URI1: variants seen among roughly 807,000 people sequenced by gnomAD.
The protein encoded by URI1 is URI1 prefoldin like chaperone.
A neutral mutation model predicts 60.2 loss-of-function variants in URI1; 39 were observed. The ratio of observed to expected loss-of-function variants is 0.65; its 90% CI spans 0.50 to 0.85. URI1 has a LOEUF of 0.85. Ranked by LOEUF, URI1 falls within the 40% of genes least tolerant of loss-of-function variation. The pLI is 0.00. For missense variants in URI1, 691 were observed against 665.9 expected, an observed-to-expected ratio of 1.04 and a Z score of -0.42; for synonymous variants, 251 against 236.8, an observed-to-expected ratio of 1.06 and a Z score of -0.55.
upstream of URI1, among the ~76,000 whole-genome samples, chr19:29,941,711 A>G (rs957109172): frequency 8.5e-5 from 13 of 152,152 alleles, no homozygotes; most frequent in Non-Finnish European, 1.6e-4. Flanking sequence ...TAAAATTAGT[A>G]CAGTAGCTTA....
In URI1 at chr19:29,959,555, C is replaced by T. The variant is rs553827519; in HGVS notation, c.118-11638C>T. ...CTCAATTTCTTTGAAAGTTCAAAGA[C>T]TATCCAGATTTTCTGTTTCTAGTTA... On this transcript the variant is annotated intron_variant, in intron 1 of 10. Coordinates refer to ENST00000392271, the MANE Select transcript of URI1 (RefSeq NM_003796.3). 2.6e-5 allele frequency among the ~76,000 whole-genome samples: 4 copies of T among 152,328 alleles called. No individual in the cohort carries two copies. The East Asian group carries it at 7.7e-4, about 29-fold the overall frequency.
intron 2 of URI1, among the ~76,000 whole-genome samples, chr19:29,980,942 A>G (rs374181365): frequency 0.014 from 2,092 of 151,236 alleles, 18 homozygotes; most frequent in Middle Eastern, 0.031. Context: ...AAAAAAAAAA[A>G]AAGTTCAATG....
At chr19:29,936,351 C>G (rs1229289916) in intron 1 of URI1, among the ~76,000 whole-genome samples, 3 of 152,210 alleles carry the variant, frequency 2.0e-5, no homozygotes, top group Non-Finnish European at 1.5e-5. Flanking sequence ...GATCTGCCCA[C>G]CTCGGCCTCC....
At chr19:29,943,555 C>A (rs1444283806) in intron 1 of URI1, among the ~76,000 whole-genome samples, 1 of 152,154 alleles carries the variant, frequency 6.6e-6, no homozygotes, top group African/African-American at 2.4e-5. Flanking sequence ...GTTGCTTCAA[C>A]ACTATAAGCA....
intron 1 of URI1, among the ~76,000 whole-genome samples, chr19:29,926,858 C>T (rs1482424894): frequency 6.6e-6 from 1 of 152,136 alleles, no homozygotes; most frequent in Non-Finnish European, 1.5e-5. Context: ...TTTTGTGGCT[C>T]CCTACCAAGG....
At chr19:29,979,066 A>C (rs567281807) in intron 2 of URI1, among the ~76,000 whole-genome samples, 111 of 152,324 alleles carry the variant, frequency 7.3e-4, no homozygotes, top group Admixed American at 1.7e-3. Flanking sequence ...AAGAAAACCC[A>C]CAAAATTACT....
At chr19:29,967,937 C>T (rs2055409732) in intron 1 of URI1, among the ~76,000 whole-genome samples, 1 of 152,188 alleles carries the variant, frequency 6.6e-6, no homozygotes. Context: ...GCAGTGTTGG[C>T]ATATACTCCT....
At position 29,945,581 on chromosome 19, in the gene URI1, T is replaced by C. The variant is rs1263298241; in HGVS notation, c.117+2917T>C. Reference sequence around the variant, plus strand: ...ACATTTCCAAAACAATTTATTTTAGTTAGAACTTCGGTTTGTTTCTATTTT... The same window carrying C: ...ACATTTCCAAAACAATTTATTTTAGCTAGAACTTCGGTTTGTTTCTATTTT... On this transcript the variant is annotated intron_variant, in intron 1 of 10. Transcript: ENST00000392271. Among the ~76,000 whole-genome samples the C allele has an allele frequency of 2.0e-5, 3 of 152,226 alleles. No homozygotes were observed. The East Asian group carries it at 5.8e-4, about 29-fold the overall frequency.
At chr19:29,956,423 C>A (rs1025239431) in intron 1 of URI1, 3 of 1,558,368 alleles carry the variant, frequency 1.9e-6, no homozygotes, top group Non-Finnish European at 8.7e-7. Flanking sequence ...GATTCATCAA[C>A]CTGCTGAACA....
chr19:29,989,570 G>A (rs1016155918), intron 4 of URI1, among the ~76,000 whole-genome samples: 4 of 151,166 alleles, frequency 2.6e-5, no homozygotes, highest in Non-Finnish European at 4.4e-5. Context: ...TTACAGGTGC[G>A]TACCACCACG....
intron 1 of URI1, among the ~76,000 whole-genome samples, chr19:29,964,481 T>TG (rs1162571878): frequency 2.7e-5 from 4 of 148,480 alleles, no homozygotes; most frequent in Non-Finnish European, 5.9e-5. Context: ...TTTTTTTTTT[T>TG]GAGACGGAGT....
rs539692118 is a variant in URI1, at chr19:29,933,753, C to T, written c.63+9999C>T. On this transcript the variant is annotated intron_variant, in intron 1 of 10. Coordinates refer to the URI1 transcript ENST00000360605. ...AGGAGCATTGCTAGAACCCGGGAGG[C>T]GGAGGTTGCAGTGAGCCGAGACTGT... Among the ~76,000 whole-genome samples the T allele has an allele frequency of 2.6e-5, 4 of 151,378 alleles. No individual in the cohort carries two copies. The East Asian group carries it at 5.9e-4, about 22-fold the overall frequency.
chr19:29,986,420 A>G lies in URI1; in HGVS notation c.367+3A>G, dbSNP rs2055671524. ...TTTAGTTGAGCACCGGAAAGAACGT[A>G]GGTACCCATTTTAAATGATGTTTCT... is the stretch of plus-strand genomic sequence containing the variant. On this transcript the variant is annotated splice_donor_region_variant and intron_variant, in intron 4 of 10. Coordinates refer to ENST00000392271, the MANE Select transcript of URI1 (RefSeq NM_003796.3). 1 of 1,603,316 alleles carries G rather than the reference A, an allele frequency of 6.2e-7. No homozygotes were observed. The highest frequency in any genetic ancestry group is 2.3e-5 in the East Asian group (1 of 44,422).
At chr19:29,949,015 C>T (rs1281041048) in intron 1 of URI1, among the ~76,000 whole-genome samples, 11 of 145,936 alleles carry the variant, frequency 7.5e-5, no homozygotes, top group South Asian at 2.1e-4. Flanking sequence ...GGCTGCCCCC[C>T]GCCTCCCTCC....
At chr19:29,987,808 A>G (rs1366518695) in intron 4 of URI1, among the ~76,000 whole-genome samples, 2 of 152,218 alleles carry the variant, frequency 1.3e-5, no homozygotes, top group Admixed American at 1.3e-4. Context: ...GAAAGTGACC[A>G]AACATAGATG....
intron 1 of URI1, among the ~76,000 whole-genome samples, chr19:29,961,620 C>G (rs896400095): frequency 6.7e-6 from 1 of 149,856 alleles, no homozygotes; most frequent in Non-Finnish European, 1.5e-5. Context: ...TTGAGTAATG[C>G]TGCTGTGAAC....
chr19:29,996,308 T>G (rs987528922), intron 4 of URI1, among the ~76,000 whole-genome samples: 1 of 152,150 alleles, frequency 6.6e-6, no homozygotes, highest in African/African-American at 2.4e-5. Context: ...TGTGCAAGTC[T>G]TGCACCTTCT....
At chr19:29,999,930 C>A (rs1469398452) in intron 4 of URI1, among the ~76,000 whole-genome samples, 3 of 151,152 alleles carry the variant, frequency 2.0e-5, no homozygotes, top group African/African-American at 4.9e-5. Context: ...TTACTCTGCT[C>A]TTTTTATTCA....
intron 9 of URI1, among the ~76,000 whole-genome samples, chr19:30,011,563 C>G (rs974777553): frequency 6.6e-6 from 1 of 151,148 alleles, no homozygotes; most frequent in Non-Finnish European, 1.5e-5. Context: ...CTACCACAGC[C>G]GTAACATGCT....
Sources: gnomAD v4.1 joint callset for allele counts (sites outside exome capture counted in the v4.1 genomes callset) on GRCh38, gnomAD v4.1.1 for gene constraint, MANE v1.5 for transcripts, NCBI Gene and HGNC (gene_info 2026-07-23, HGNC 2026-07-21) for gene names.